BASP1: variants seen among roughly 807,000 people sequenced by gnomAD.
BASP1 encodes brain acid soluble protein 1.
A neutral mutation model predicts 2.2 loss-of-function variants in BASP1; 1 was observed. The observed-to-expected ratio is 0.46, with a 90% CI of 0.16 to 2.17. BASP1 has a LOEUF of 2.17. Ranked by LOEUF, BASP1 falls within the 30% of genes most tolerant of loss-of-function variation. The pLI is 0.27. For synonymous variants in BASP1, 187 were observed against 154.2 expected (o/e 1.21, Z -1.58); for missense variants, 352 against 327.2 (o/e 1.08, Z -0.58).
chr5:17,255,277 A>G (rs1561173019), intron 1 of BASP1, among the ~76,000 whole-genome samples: 1 of 151,756 alleles, frequency 6.6e-6, no homozygotes, highest in Non-Finnish European at 1.5e-5. Context: ...GAGCTAGGAC[A>G]TGCTGTTCTA....
chr5:17,229,278 C>G (rs1331359874), intron 1 of BASP1, among the ~76,000 whole-genome samples: 5 of 152,142 alleles, frequency 3.3e-5, no homozygotes, highest in African/African-American at 1.2e-4. Context: ...GGAAAAGGCA[C>G]CTGTGAGCAG....
chr5:17,245,105 C>T (rs1739950266), intron 1 of BASP1, among the ~76,000 whole-genome samples: 1 of 150,642 alleles, frequency 6.6e-6, no homozygotes. Flanking sequence ...AGTTCAAGAC[C>T]AGCCTGACCA....
At chr5:17,232,763 C>T (rs192286537) in intron 1 of BASP1, among the ~76,000 whole-genome samples, 1 of 152,084 alleles carries the variant, frequency 6.6e-6, no homozygotes, top group Admixed American at 6.5e-5. Context: ...ACTAAGACAT[C>T]ATTTGTGATT....
upstream of BASP1, chr5:17,216,855 G>A (rs1258428037): frequency 6.6e-6 from 1 of 152,484 alleles, no homozygotes; most frequent in African/African-American, 2.4e-5. The surrounding 1 kb of genome is among the most constrained non-coding windows in gnomAD (Gnocchi z 6.4). Context: ...CAGCCCAGAC[G>A]CGCCTGCAGC....
intron 1 of BASP1, among the ~76,000 whole-genome samples, chr5:17,232,662 A>G (rs1739657705): frequency 6.6e-6 from 1 of 152,150 alleles, no homozygotes; most frequent in Non-Finnish European, 1.5e-5. Flanking sequence ...CTTTACTTTC[A>G]CATCCAGGAA....
rs958101265 is a variant in BASP1 at position 17,276,369 on chromosome 5, ATTTTCTGTG to A, written c.*476_*484del. 1 of 167,724 alleles carries A rather than the reference ATTTTCTGTG, an allele frequency of 6.0e-6. No homozygotes were observed. The highest frequency in any genetic ancestry group is 1.5e-5 in the Non-Finnish European group (1 of 68,626). The allele number at this position is 167,724 out of a possible 1,614,324, so 10.4% of individuals were successfully genotyped here. On this transcript the variant is annotated 3_prime_UTR_variant, in exon 2 of 2. Transcript: ENST00000322611. ...GCAATCAGATCTTTATGAGAGCAGTATTTTCTGTGTTTTCTTTTTAATTTACAGCCTTTC... is the reference window on the plus strand; with the variant it reads ...GCAATCAGATCTTTATGAGAGCAGTATTTTCTTTTTAATTTACAGCCTTTC...
chr5:17,233,391 T>C (rs1192905575), intron 1 of BASP1, among the ~76,000 whole-genome samples: 3 of 152,196 alleles, frequency 2.0e-5, no homozygotes, highest in African/African-American at 7.2e-5. Context: ...TATATCTCCT[T>C]CCCCTTCTTT....
intron 1 of BASP1, among the ~76,000 whole-genome samples, chr5:17,234,891 T>A (rs551798258): frequency 6.6e-6 from 1 of 152,222 alleles, no homozygotes; most frequent in African/African-American, 2.4e-5. Flanking sequence ...AGATATTCAA[T>A]TGGCTATTAT....
chr5:17,223,671 C>T (rs1395554064), intron 1 of BASP1, among the ~76,000 whole-genome samples: 4 of 152,260 alleles, frequency 2.6e-5, no homozygotes, highest in African/African-American at 7.2e-5. Flanking sequence ...GTCCTTGGAA[C>T]TTCAGAGACA....
chr5:17,246,664 A>C (rs1015491487), intron 1 of BASP1, among the ~76,000 whole-genome samples: 1 of 152,238 alleles, frequency 6.6e-6, no homozygotes, highest in East Asian at 1.9e-4. Flanking sequence ...ATGTCAACTC[A>C]CATCTCTGTG....
intron 1 of BASP1, among the ~76,000 whole-genome samples, chr5:17,241,306 G>T (rs1311809309): frequency 6.6e-6 from 1 of 152,022 alleles, no homozygotes; most frequent in Non-Finnish European, 1.5e-5. Flanking sequence ...CGCCATGTTG[G>T]CCAGGATGGT....
chr5:17,227,517 C>G (rs369761676), intron 1 of BASP1, among the ~76,000 whole-genome samples: 1 of 152,116 alleles, frequency 6.6e-6, no homozygotes, highest in African/African-American at 2.4e-5. Flanking sequence ...TTCTTTTGCC[C>G]CAGCCTCCAA....
Position 17,251,018 on chromosome 5 carries a change from G to A in BASP1, c.-9-24190G>A, listed in dbSNP as rs188701973. ...AAAACCTAAAACTAAAATGGCTTACGTGAGAGAAAAGGTTAACTCTTCATA... is the reference window on the plus strand; with the variant it reads ...AAAACCTAAAACTAAAATGGCTTACATGAGAGAAAAGGTTAACTCTTCATA... On this transcript the variant is annotated intron_variant, in intron 1 of 1. Coordinates refer to ENST00000322611, the MANE Select transcript of BASP1 (RefSeq NM_006317.5). The surrounding 1 kb of genome is among the most constrained non-coding windows in gnomAD (Gnocchi z 4.0). Among the ~76,000 whole-genome samples, 16 of 152,348 alleles carry A rather than the reference G, an allele frequency of 1.1e-4. No homozygotes were observed. Among genetic ancestry groups the A allele is most frequent in the African/African-American group, 3.1e-4 (13 of 41,594 alleles).
intron 1 of BASP1, among the ~76,000 whole-genome samples, chr5:17,227,692 C>T (rs1739544637): frequency 6.6e-6 from 1 of 152,184 alleles, no homozygotes; most frequent in South Asian, 2.1e-4. Flanking sequence ...GCGTGAGCCA[C>T]CATGCCCGGC....
At chr5:17,220,811 CTCTT>C (rs762403606) in intron 1 of BASP1, among the ~76,000 whole-genome samples, 38 of 152,076 alleles carry the variant, frequency 2.5e-4, no homozygotes, top group Admixed American at 5.2e-4. Context: ...TGCGTTCTGT[CTCTT>C]TATTTTTTAA....
chr5:17,224,411 T>G (rs1739452060), intron 1 of BASP1, among the ~76,000 whole-genome samples: 1 of 137,262 alleles, frequency 7.3e-6, no homozygotes, highest in South Asian at 2.5e-4. Context: ...GTACTTCTCC[T>G]AAGCCTTGGC....
At chr5:17,221,080 G>A (rs542667620) in intron 1 of BASP1, among the ~76,000 whole-genome samples, 2 of 152,266 alleles carry the variant, frequency 1.3e-5, no homozygotes, top group African/African-American at 2.4e-5. Flanking sequence ...AATCAAACTG[G>A]TTGGTATAGA....
intron 1 of BASP1, among the ~76,000 whole-genome samples, chr5:17,240,268 C>T (rs1257349779): frequency 6.6e-6 from 1 of 152,188 alleles, no homozygotes; most frequent in Non-Finnish European, 1.5e-5. Flanking sequence ...GGCATGGTGG[C>T]TCACGCCTGT....
At chr5:17,243,998 C>T (rs917157099) in intron 1 of BASP1, among the ~76,000 whole-genome samples, 3 of 152,232 alleles carry the variant, frequency 2.0e-5, no homozygotes, top group Non-Finnish European at 2.9e-5. Context: ...TATATCCTTA[C>T]ATTGTAAACT....
Sources: allele counts gnomAD v4.1 joint callset (sites outside exome capture counted in the v4.1 genomes callset), GRCh38; gene constraint gnomAD v4.1.1; non-coding constraint Gnocchi (gnomAD v3.1); transcripts MANE v1.5; gene names NCBI Gene and HGNC (gene_info 2026-07-23, HGNC 2026-07-21).